Variants in SIRPD observed in about 807,000 individuals in gnomAD.
SIRPD encodes signal regulatory protein delta, also known as signal-regulatory protein delta.
In SIRPD, 21 loss-of-function variants were observed where a neutral mutation model predicts 18.0. The observed-to-expected ratio is 1.17, with a 90% CI of 0.83 to 1.68. SIRPD has a LOEUF of 1.68. Among genes scored for constraint, SIRPD ranks in the 40% most tolerant of loss-of-function variants. SIRPD has a pLI of 0.00. For synonymous variants in SIRPD, 106 were observed against 92.9 expected, an observed-to-expected ratio of 1.14 and a Z score of -0.81; for missense variants, 295 against 238.4, an observed-to-expected ratio of 1.24 and a Z score of -1.56.
chr20:1,540,313 C>T (rs2092531060), intron 2 of SIRPD: 2 of 455,956 alleles, frequency 4.4e-6, no homozygotes, highest in African/African-American at 2.0e-5. Context: ...TTTCAGACTT[C>T]TGGCTTCTAG....
At chr20:1,543,480 T>G (rs887507924) in intron 2 of SIRPD, among the ~76,000 whole-genome samples, 36 of 152,134 alleles carry the variant, frequency 2.4e-4, no homozygotes, top group African/African-American at 8.7e-4. Flanking sequence ...GGTATTCCCT[T>G]CTTCATTTTT....
chr20:1,551,575 T>C, intron 2 of SIRPD, 116 bp downstream of exon 2: 2 of 802,416 alleles, frequency 2.5e-6, no homozygotes, highest in South Asian at 3.7e-5. Flanking sequence ...AAAGATCAAA[T>C]GTATGTTGTA....
At chr20:1,556,081 A>G (rs2091040022) in intron 1 of SIRPD, among the ~76,000 whole-genome samples, 1 of 152,184 alleles carries the variant, frequency 6.6e-6, no homozygotes, top group African/African-American at 2.4e-5. Context: ...TGCTTCTTTA[A>G]GGCCAGAAGT....
At chr20:1,549,402 G>T (rs2091008370) in intron 2 of SIRPD, among the ~76,000 whole-genome samples, 2 of 149,866 alleles carry the variant, frequency 1.3e-5, no homozygotes. Flanking sequence ...TGGTATACTT[G>T]TCATAGTTTT....
chr20:1,556,552 G>A (rs922472228), intron 1 of SIRPD, among the ~76,000 whole-genome samples: 5 of 152,184 alleles, frequency 3.3e-5, no homozygotes, highest in African/African-American at 1.2e-4. Flanking sequence ...GACCTTACTT[G>A]GAAATAGAGT....
intron 3 of SIRPD, among the ~76,000 whole-genome samples, chr20:1,535,110 A>G (rs2090939661): frequency 6.6e-6 from 1 of 152,260 alleles, no homozygotes; most frequent in African/African-American, 2.4e-5. Context: ...GTGTTGATGT[A>G]TATATTGGGG....
At chr20:1,548,645 A>G (rs1738166599) in intron 2 of SIRPD, among the ~76,000 whole-genome samples, 1 of 152,046 alleles carries the variant, frequency 6.6e-6, no homozygotes. Context: ...TTTAGTTGTT[A>G]TAGGTATCTT....
At chr20:1,550,822 T>C (rs2091015713) in intron 2 of SIRPD, among the ~76,000 whole-genome samples, 1 of 152,188 alleles carries the variant, frequency 6.6e-6, no homozygotes, top group Non-Finnish European at 1.5e-5. Context: ...AATTCAAATG[T>C]TGCTGTGTAG....
intron 3 of SIRPD, among the ~76,000 whole-genome samples, chr20:1,535,235 A>G (rs557880510): frequency 3.2e-4 from 49 of 152,350 alleles, no homozygotes; most frequent in African/African-American, 1.2e-3. Flanking sequence ...ATTTTTGTTA[A>G]AAGTTCGATG....
chr20:1,542,205 G>A (rs2090975121), intron 2 of SIRPD, among the ~76,000 whole-genome samples: 2 of 152,112 alleles, frequency 1.3e-5, no homozygotes, highest in Non-Finnish European at 2.9e-5. Context: ...GATGGGAATA[G>A]CATTGATTCT....
chr20:1,555,215 G>A lies in SIRPD; in HGVS notation c.73+2366C>T, dbSNP rs187422207. On this transcript the variant is annotated intron_variant, in intron 1 of 3. Transcript: ENST00000381623. ...GATATTATGGTGTGAAATAAGCCAG[G>A]CACAGAAAGACAAATACCACATGAT... is the stretch of plus-strand genomic sequence containing the variant. 6.3e-3 allele frequency among the ~76,000 whole-genome samples: 957 copies of A among 152,260 alleles called. 16 individuals are homozygous for A. The highest frequency in any genetic ancestry group is 0.022 in the African/African-American group (931 of 41,540).
intron 1 of SIRPD, among the ~76,000 whole-genome samples, 164 bp from the exon 2 acceptor site, chr20:1,552,202 G>C (rs1398087549): frequency 6.6e-6 from 1 of 152,176 alleles, no homozygotes; most frequent in Non-Finnish European, 1.5e-5. Context: ...TCTCCCTAGA[G>C]TGCTGAAGGA....
chr20:1,543,273 G>T lies in SIRPD; in HGVS notation c.422-5963C>A, dbSNP rs2090979941. Among the ~76,000 whole-genome samples the T allele has an allele frequency of 2.0e-5, 3 of 152,036 alleles. 1 individual carries two copies. The highest frequency in any genetic ancestry group is 1.3e-4 in the Admixed American group (2 of 15,254). ...ATCCATCTGGTCCTTGGCTTTTTTG[G>T]GTTGGCAGGCTATTAATTACTGCCT... is the stretch of plus-strand genomic sequence containing the variant. On this transcript the variant is annotated intron_variant, in intron 2 of 3. Transcript: ENST00000381623.
chr20:1,545,121 T>C (rs1434891309), intron 2 of SIRPD, among the ~76,000 whole-genome samples: 2 of 152,196 alleles, frequency 1.3e-5, no homozygotes, highest in African/African-American at 2.4e-5. Flanking sequence ...GGAGTATCTT[T>C]GTGGTGCTCT....
chr20:1,537,453 A>C, intron 2 of SIRPD, 143 bp from the exon 3 acceptor site: 1 of 984,096 alleles, frequency 1.0e-6, no homozygotes. Flanking sequence ...TACTGATATA[A>C]GGGTCCCAAG....
At chr20:1,555,745 T>C (rs1057373173) in intron 1 of SIRPD, among the ~76,000 whole-genome samples, 5 of 152,262 alleles carry the variant, frequency 3.3e-5, no homozygotes, top group African/African-American at 1.2e-4. Context: ...ATATTCCTTT[T>C]CTATCGCTGA....
chr20:1,535,083 T>C (rs1217700534), intron 3 of SIRPD, among the ~76,000 whole-genome samples: 3 of 152,164 alleles, frequency 2.0e-5, no homozygotes, highest in Non-Finnish European at 4.4e-5. Flanking sequence ...GAAAACTATG[T>C]AGAGATTGAA....
chr20:1,534,389 T>G lies in SIRPD; in HGVS notation c.*36A>C. ...AGGGAGTCAGAAGAGTATGGGGGCT[T>G]TTGTTATTTACTTGTACGTTCCTTC... On this transcript the variant is annotated 3_prime_UTR_variant, in exon 4 of 4. Coordinates refer to ENST00000381623, the MANE Select transcript of SIRPD (RefSeq NM_178460.3). 6.2e-7 allele frequency: 1 copy of G among 1,611,918 alleles called. No individual in the cohort carries two copies. Among genetic ancestry groups the G allele is most frequent in the Non-Finnish European group, 8.5e-7 (1 of 1,179,666 alleles).
At chr20:1,540,378 A>G (rs2123120410) in intron 2 of SIRPD, 1 of 454,332 alleles carries the variant, frequency 2.2e-6, no homozygotes, top group Non-Finnish European at 4.4e-6. Flanking sequence ...TGTACTTCAT[A>G]CACCATACAA....
Sources: gnomAD v4.1 joint callset for allele counts (sites outside exome capture counted in the v4.1 genomes callset) on GRCh38, gnomAD v4.1.1 for gene constraint, MANE v1.5 for transcripts, NCBI Gene and HGNC (gene_info 2026-07-23, HGNC 2026-07-21) for gene names.